Variants in PRKN observed in about 807,000 individuals in gnomAD.
PRKN encodes the protein parkin RBR E3 ubiquitin protein ligase.
A neutral mutation model predicts 59.5 loss-of-function variants in PRKN; 56 were observed. The ratio of observed to expected loss-of-function variants is 0.94; its 90% CI spans 0.76 to 1.18. The LOEUF is 1.18. Ranked by LOEUF, PRKN falls within the 50% of genes most tolerant of loss-of-function variation. PRKN has a pLI of 0.00. For missense variants in PRKN, 657 were observed against 596.4 expected (o/e 1.10, Z -1.06); for synonymous variants, 250 against 222.1 (o/e 1.13, Z -1.12).
rs1182694760 is a variant in PRKN, at chr6:161,488,159, C to T, written c.1083+60695G>A. ...TGGGAGGGGACACCTGTTTAGAGGG[C>T]TAAATGAATGGAGGCAGCCATGCAA... is the stretch of plus-strand genomic sequence containing the variant. On this transcript the variant is annotated intron_variant, in intron 9 of 11. Transcript: ENST00000366898. This position sits in a 1 kb window ranked among gnomAD's most constrained non-coding sequence, Gnocchi z 4.5. 6.6e-6 allele frequency among the ~76,000 whole-genome samples: 1 copy of T among 152,098 alleles called. No homozygotes were observed. The highest frequency in any genetic ancestry group is 1.5e-5 in the Non-Finnish European group (1 of 68,024).
intron 2 of PRKN, among the ~76,000 whole-genome samples, chr6:162,296,869 C>CTGTTA (rs1781699026): frequency 6.6e-6 from 1 of 152,142 alleles, no homozygotes; most frequent in African/African-American, 2.4e-5. Context: ...AGCATCGTTT[C>CTGTTA]CATGCCACCT....
At chr6:162,701,894 A>C (rs1778170825) in intron 1 of PRKN, among the ~76,000 whole-genome samples, 1 of 150,956 alleles carries the variant, frequency 6.6e-6, no homozygotes, top group Non-Finnish European at 1.5e-5. Flanking sequence ...CACCCCCCCG[A>C]CAAAATGAAA....
intron 4 of PRKN, among the ~76,000 whole-genome samples, chr6:162,114,383 T>C (rs1780576556): frequency 6.6e-6 from 1 of 151,626 alleles, no homozygotes. Context: ...TATCCTCTTT[T>C]ATTTCCTTGA....
At chr6:161,351,105 T>A (rs868592228) in intron 11 of PRKN, among the ~76,000 whole-genome samples, 5 of 123,374 alleles carry the variant, frequency 4.1e-5, no homozygotes, top group South Asian at 2.3e-4. Context: ...ATATTTATAT[T>A]TAAAATATAT....
At chr6:162,021,461 ATTTTTTTTT>A (rs72433488) in intron 5 of PRKN, among the ~76,000 whole-genome samples, 7 of 24,650 alleles carry the variant, frequency 2.8e-4, no homozygotes, top group African/African-American at 4.6e-4. Flanking sequence ...ATATATATAT[ATTTTTTTTT>A]TTTTTTTCCT....
intron 9 of PRKN, among the ~76,000 whole-genome samples, chr6:161,541,207 G>T (rs1160756755): frequency 6.6e-6 from 1 of 152,196 alleles, no homozygotes; most frequent in East Asian, 1.9e-4. Context: ...GCCATGTATG[G>T]CCACTGAGTG....
chr6:162,607,997 T>C (rs924858810), intron 1 of PRKN, among the ~76,000 whole-genome samples: 2 of 152,176 alleles, frequency 1.3e-5, no homozygotes, highest in African/African-American at 4.8e-5. Flanking sequence ...TAGAGCCAAT[T>C]TGTCCTCTTG....
At chr6:162,058,024 T>C (rs1291886110) in intron 4 of PRKN, among the ~76,000 whole-genome samples, 1 of 152,212 alleles carries the variant, frequency 6.6e-6, no homozygotes, top group Non-Finnish European at 1.5e-5. Context: ...TCTTGCCCCT[T>C]TGTTTGTTTT....
intron 3 of PRKN, chr6:162,262,321 T>C (rs1412813942): frequency 3.0e-6 from 2 of 677,780 alleles, no homozygotes; most frequent in African/African-American, 1.8e-5. Context: ...TATGAAAACC[T>C]GTTTCATAGT....
chr6:161,611,479 T>C (rs1782487775), intron 7 of PRKN, among the ~76,000 whole-genome samples: 1 of 152,224 alleles, frequency 6.6e-6, no homozygotes, highest in African/African-American at 2.4e-5. Context: ...TATTTCAAAC[T>C]TTTTTGTCAT....
Position 161,473,397 on chromosome 6 carries a change from C to G in PRKN, c.1083+75457G>C. Among the ~76,000 whole-genome samples the G allele has an allele frequency of 6.6e-6, 1 of 150,536 alleles. No individual in the cohort carries two copies. Among genetic ancestry groups the G allele is most frequent in the East Asian group, 1.9e-4 (1 of 5,146 alleles). ...ATATATAAAATGGAATATTATCAAG[C>G]CTTAAAAAGGAGATTCTACTATTTT... is the stretch of plus-strand genomic sequence containing the variant. On this transcript the variant is annotated intron_variant, in intron 9 of 11. Coordinates refer to ENST00000366898, the MANE Select transcript of PRKN (RefSeq NM_004562.3). The surrounding 1 kb of genome is among the most constrained non-coding windows in gnomAD (Gnocchi z 4.1).
intron 6 of PRKN, among the ~76,000 whole-genome samples, chr6:161,928,657 A>T (rs549146264): frequency 3.3e-5 from 5 of 152,354 alleles, no homozygotes; most frequent in African/African-American, 1.2e-4. Flanking sequence ...ATAGTATCTT[A>T]CACATTATTT....
At chr6:161,635,662 T>A (rs1783486321) in intron 7 of PRKN, among the ~76,000 whole-genome samples, 1 of 152,206 alleles carries the variant, frequency 6.6e-6, no homozygotes, top group African/African-American at 2.4e-5. Context: ...GCTGCTTTTT[T>A]TCCTGGAGGA....
At chr6:162,522,367 G>A (rs1018601465) in intron 1 of PRKN, among the ~76,000 whole-genome samples, 15 of 152,124 alleles carry the variant, frequency 9.9e-5, no homozygotes, top group African/African-American at 3.1e-4. Flanking sequence ...TCAGTGATTC[G>A]CCCGCCTCGG....
chr6:162,374,524 T>C (rs553525730), intron 2 of PRKN, among the ~76,000 whole-genome samples: 48 of 151,302 alleles, frequency 3.2e-4, no homozygotes, highest in Non-Finnish European at 1.0e-4. Context: ...AATTTTATGT[T>C]TTATTTATTT....
At chr6:162,063,134 A>C (rs762177445) in intron 4 of PRKN, among the ~76,000 whole-genome samples, 9 of 152,214 alleles carry the variant, frequency 5.9e-5, no homozygotes, top group Non-Finnish European at 1.0e-4. Context: ...ATTTCAATGA[A>C]CATTAGAGCT....
rs1235972727 is a variant in PRKN at position 161,710,916 on chromosome 6, TCCTTCCTCACC to T, written c.871+74845_871+74855del. Reference sequence around the variant, plus strand: ...CCCTTTCCTTCCTCCTCCCTTTCCTTCCTTCCTCACCCCTTCCTTCCTTCCTTCCCCACTCC... The same window carrying T: ...CCCTTTCCTTCCTCCTCCCTTTCCTTCCTTCCTTCCTTCCTTCCCCACTCC... On this transcript the variant is annotated intron_variant, in intron 7 of 11. Coordinates refer to ENST00000366898, the MANE Select transcript of PRKN (RefSeq NM_004562.3). Among the ~76,000 whole-genome samples the T allele has an allele frequency of 4.5e-5, 5 of 111,444 alleles. No homozygotes were observed. In the Admixed American group the frequency reaches 5.4e-4, roughly 12 times the overall value. The allele number at this position is 111,444 out of a possible 152,430, so 73.1% of individuals were successfully genotyped here.
At chr6:162,392,327 A>C (rs1166265088) in intron 2 of PRKN, among the ~76,000 whole-genome samples, 2 of 152,054 alleles carry the variant, frequency 1.3e-5, no homozygotes, top group Non-Finnish European at 2.9e-5. Flanking sequence ...GGAGGCCAGA[A>C]GTTTTTGGTT....
intron 1 of PRKN, among the ~76,000 whole-genome samples, chr6:162,570,699 A>T (rs1333557889): frequency 6.6e-6 from 1 of 152,172 alleles, no homozygotes; most frequent in African/African-American, 2.4e-5. Context: ...ACTATTAAAT[A>T]AGCCAGGCAG....
Sources: gnomAD v4.1 joint callset for allele counts (sites outside exome capture counted in the v4.1 genomes callset) on GRCh38, gnomAD v4.1.1 for gene constraint, Gnocchi (gnomAD v3.1) non-coding constraint, MANE v1.5 for transcripts, NCBI Gene and HGNC (gene_info 2026-07-23, HGNC 2026-07-21) for gene names.